GGA2: variants seen among roughly 807,000 people sequenced by gnomAD.
GGA2 encodes the protein ADP-ribosylation factor-binding protein GGA2.
A neutral mutation model predicts 79.5 loss-of-function variants in GGA2; 48 were observed. The ratio of observed to expected loss-of-function variants is 0.60; its 90% confidence interval spans 0.48 to 0.77. GGA2 has a LOEUF of 0.77. Among genes scored for constraint, GGA2 ranks in the 30% least tolerant of loss-of-function variants. The probability of loss-of-function intolerance (pLI) is 0.00; values close to 1 mark genes in which losing one functional copy is unlikely to be tolerated. For synonymous variants in GGA2, 317 were observed against 302.0 expected, an observed-to-expected ratio of 1.05 and a Z score of -0.51; for missense variants, 770 against 774.0, an observed-to-expected ratio of 0.99 and a Z score of 0.06.
chr16:23,492,011 C>A (rs1317719722), intron 4 of GGA2, among the ~76,000 whole-genome samples: 1 of 152,196 alleles, frequency 6.6e-6, no homozygotes, highest in Non-Finnish European at 1.5e-5. Context: ...TCACACTAAA[C>A]CCCACCATGC....
At chr16:23,488,915 C>G (rs1354906692) in intron 5 of GGA2, among the ~76,000 whole-genome samples, 2 of 152,170 alleles carry the variant, frequency 1.3e-5, no homozygotes, top group Non-Finnish European at 2.9e-5. Flanking sequence ...GCCGGGACAG[C>G]AGAGCCAACT....
At chr16:23,523,322 CT>C (rs750087699), upstream of GGA2, 4 of 152,122 alleles carry the variant, frequency 2.6e-5, no homozygotes, top group Non-Finnish European at 5.9e-5. Flanking sequence ...GAGATGATGA[CT>C]TATAAGTCAT....
chr16:23,469,419 A>G (rs560381351), intron 15 of GGA2: 5 of 170,042 alleles, frequency 2.9e-5, no homozygotes, highest in Non-Finnish European at 6.5e-5. Context: ...ACTGCAGGTC[A>G]TATTTTTGTC....
intron 1 of GGA2, among the ~76,000 whole-genome samples, chr16:23,500,643 C>T (rs1337712608): frequency 2.6e-5 from 4 of 152,182 alleles, no homozygotes; most frequent in Non-Finnish European, 5.9e-5. Context: ...ACATACTGCT[C>T]CCCAATGCCA....
intron 1 of GGA2, among the ~76,000 whole-genome samples, chr16:23,500,219 C>A (rs1964905541): frequency 6.6e-6 from 1 of 152,230 alleles, no homozygotes; most frequent in African/African-American, 2.4e-5. Flanking sequence ...CAGCCAAGGG[C>A]TGGCCCTGCC....
At position 23,464,983 on chromosome 16, in the gene GGA2, C is replaced by T. The variant is rs151001139; in HGVS notation, c.*2607G>A. On this transcript the variant is annotated 3_prime_UTR_variant, in exon 17 of 17. Coordinates refer to ENST00000309859, the MANE Select transcript of GGA2 (RefSeq NM_015044.4). ...AGAGACAGAGGAAAAAGAGCAGTCA[C>T]GGAGGTAGGTCACGAAATGGGTCAA... 1,878 of 274,656 alleles carry T rather than the reference C, an allele frequency of 6.8e-3. 70 individuals are homozygous for T. Among genetic ancestry groups the T allele is most frequent in the Admixed American group, 0.063 (1,304 of 20,568 alleles). 17.0% of individuals were successfully genotyped at this position (274,656 alleles called of 1,614,324 possible).
At chr16:23,508,118 A>T (rs1043305808) in intron 1 of GGA2, among the ~76,000 whole-genome samples, 1 of 148,166 alleles carries the variant, frequency 6.7e-6, no homozygotes, top group Admixed American at 6.8e-5. Flanking sequence ...GCTGGAGTGC[A>T]GCGGTGCAAT....
chr16:23,486,981 G>GTTGT (rs1555499936), intron 6 of GGA2, among the ~76,000 whole-genome samples, 191 bp from the exon 7 acceptor site: 1 of 97,090 alleles, frequency 1.0e-5, no homozygotes, highest in Non-Finnish European at 2.4e-5. Flanking sequence ...TTTCTTTTCT[G>GTTGT]TTGTTTTTTT....
At position 23,486,677 on chromosome 16, in the gene GGA2, T is replaced by G. The variant is rs777561825; in HGVS notation, c.660+33A>C. ...CTGTCCTTCAGCCTCTGTCAAATGCTACTTCTACTGAACCAACTGGAAGAA... is the reference window on the plus strand; with the variant it reads ...CTGTCCTTCAGCCTCTGTCAAATGCGACTTCTACTGAACCAACTGGAAGAA... On this transcript the variant is annotated intron_variant, in intron 7 of 16. Transcript: ENST00000309859. The G allele has an allele frequency of 8.9e-6, 11 of 1,240,108 alleles. No homozygotes were observed. The Admixed American group carries it at 1.0e-4, about 11-fold the overall frequency. 76.8% of individuals were successfully genotyped at this position (1,240,108 alleles called of 1,614,324 possible). A position where few individuals can be genotyped will look rare whatever the true frequency, so the allele number is the denominator to read the frequency against.
At chr16:23,476,801 A>G (rs1484264083) in intron 13 of GGA2, among the ~76,000 whole-genome samples, 4 of 152,208 alleles carry the variant, frequency 2.6e-5, no homozygotes, top group Admixed American at 2.6e-4. Context: ...CTTCAATTAT[A>G]TGGTTATTAG....
intron 12 of GGA2, 99 bp from the exon 13 acceptor site, chr16:23,478,600 G>T: frequency 1.7e-6 from 2 of 1,190,734 alleles, no homozygotes; most frequent in Non-Finnish European, 2.5e-6. Flanking sequence ...CCAAGCTGCT[G>T]TGGCCCAGAC....
At chr16:23,486,627 C>A in intron 7 of GGA2, 83 bp downstream of exon 7, 1 of 840,456 alleles carries the variant, frequency 1.2e-6, no homozygotes, top group Non-Finnish European at 2.1e-6. Flanking sequence ...CGTTCCTCTA[C>A]CCCTCAAGCA....
chr16:23,499,407 G>A (rs967895937), intron 1 of GGA2, among the ~76,000 whole-genome samples: 1 of 152,100 alleles, frequency 6.6e-6, no homozygotes, highest in African/African-American at 2.4e-5. Context: ...GCCTCCCAAA[G>A]TAGTGGGATT....
chr16:23,495,904 T>C lies in GGA2; in HGVS notation c.92-126A>G, dbSNP rs183540080. On this transcript the variant is annotated intron_variant, in intron 1 of 16. Coordinates refer to ENST00000309859, the MANE Select transcript of GGA2 (RefSeq NM_015044.4). ...AGGATCAGACCAGTGGGCAGACAGCTGGAAGGAGAGGAATTGTGCCTGCGC... is the reference window on the plus strand; with the variant it reads ...AGGATCAGACCAGTGGGCAGACAGCCGGAAGGAGAGGAATTGTGCCTGCGC... The C allele has an allele frequency of 5.5e-4, 318 of 575,012 alleles. 2 individuals carry two copies. The highest frequency in any genetic ancestry group is 5.4e-3 in the African/African-American group (293 of 53,840). The allele number at this position is 575,012 out of a possible 1,614,324, so 35.6% of individuals were successfully genotyped here.
intron 15 of GGA2, 191 bp from the exon 16 acceptor site, chr16:23,469,187 G>C (rs1161076606): frequency 2.4e-5 from 12 of 508,558 alleles, no homozygotes; most frequent in Admixed American, 1.5e-4. Context: ...GGATCTAAGA[G>C]GCCTTTCCTT....
intron 2 of GGA2, among the ~76,000 whole-genome samples, chr16:23,516,432 A>C (rs1965103230): frequency 6.6e-6 from 1 of 152,064 alleles, no homozygotes; most frequent in Admixed American, 6.6e-5. Flanking sequence ...GGCTGTGATG[A>C]GAGAACATGG....
chr16:23,512,925 G>T (rs1049515307), upstream of GGA2, among the ~76,000 whole-genome samples: 1 of 151,908 alleles, frequency 6.6e-6, no homozygotes, highest in Non-Finnish European at 1.5e-5. Context: ...GGCTGCTCTC[G>T]AACTCCTAAC....
chr16:23,469,029 T>A, intron 15 of GGA2, 33 bp from the exon 16 acceptor site: 1 of 1,269,796 alleles, frequency 7.9e-7, no homozygotes. Context: ...ATGTAACTCA[T>A]TCCTAACCAC....
chr16:23,513,274 T>C (rs888006065), upstream of GGA2, among the ~76,000 whole-genome samples: 2 of 66,390 alleles, frequency 3.0e-5, no homozygotes, highest in Non-Finnish European at 8.5e-5. Context: ...GCGAGTACTT[T>C]GAACTCAAAG....
Sources: gnomAD v4.1 joint callset for allele counts (sites outside exome capture counted in the v4.1 genomes callset) on GRCh38, gnomAD v4.1.1 for gene constraint, MANE v1.5 for transcripts, NCBI Gene and HGNC (gene_info 2026-07-23, HGNC 2026-07-21) for gene names.